Variants in CAMSAP2 observed in about 807,000 individuals in gnomAD.
CAMSAP2 encodes the protein calmodulin-regulated spectrin-associated protein 2.
In CAMSAP2, 26 loss-of-function variants were observed where a neutral mutation model predicts 146.1. That is an observed-to-expected ratio of 0.18 (90% CI 0.13 to 0.25). CAMSAP2 has a LOEUF of 0.25. CAMSAP2 is among the 10% of genes least tolerant of loss of function. The probability of loss-of-function intolerance (pLI) is 1.00; values close to 1 mark genes in which losing one functional copy is unlikely to be tolerated. For synonymous variants in CAMSAP2, 499 were observed against 596.6 expected, an observed-to-expected ratio of 0.84 and a Z score of 2.38; for missense variants, 1,381 against 1,759.3, an observed-to-expected ratio of 0.78 and a Z score of 3.85.
At chr1:200,811,752 C>T (rs1666337880) in intron 3 of CAMSAP2, among the ~76,000 whole-genome samples, 1 of 152,128 alleles carries the variant, frequency 6.6e-6, no homozygotes, top group Non-Finnish European at 1.5e-5. Context: ...GCTCAAAACT[C>T]TTCAGTGACT....
At chr1:200,846,444 G>A (rs1418099686) in intron 8 of CAMSAP2, among the ~76,000 whole-genome samples, 4 of 152,110 alleles carry the variant, frequency 2.6e-5, no homozygotes, top group African/African-American at 9.7e-5. Flanking sequence ...CATCTCAGCA[G>A]CTCATTTTTC....
chr1:200,854,502 G>A (rs77456920), intron 13 of CAMSAP2, among the ~76,000 whole-genome samples: 305 of 152,124 alleles, frequency 2.0e-3, no homozygotes, highest in African/African-American at 6.7e-3. Context: ...TAGATATTAT[G>A]AAATTTTTTT....
intron 1 of CAMSAP2, among the ~76,000 whole-genome samples, chr1:200,747,633 A>G (rs1004546087): frequency 2.0e-5 from 3 of 150,038 alleles, no homozygotes; most frequent in African/African-American, 7.3e-5. Flanking sequence ...TCAGGGCTGT[A>G]GCGTCATTTC....
Position 200,858,179 on chromosome 1 carries a change from T to G in CAMSAP2, c.*120T>G, listed in dbSNP as rs997272469. The G allele has an allele frequency of 2.3e-6, 2 of 856,138 alleles. No individual in the cohort carries two copies. The highest frequency in any genetic ancestry group is 3.4e-5 in the African/African-American group (2 of 58,350). 53.0% of individuals were successfully genotyped at this position (856,138 alleles called of 1,614,324 possible). A position where few individuals can be genotyped will look rare whatever the true frequency, so the allele number is the denominator to read the frequency against. ...TATTAATTAAAACTGGACATTAAGC[T>G]CTGTTGTCATGAACAACTGGAATGT... On this transcript the variant is annotated 3_prime_UTR_variant, in exon 17 of 17. Coordinates refer to ENST00000358823, the MANE Select transcript of CAMSAP2 (RefSeq NM_203459.4).
chr1:200,808,916 A>G (rs1166483534), intron 3 of CAMSAP2, among the ~76,000 whole-genome samples: 1 of 152,202 alleles, frequency 6.6e-6, no homozygotes, highest in Non-Finnish European at 1.5e-5. Context: ...TCATTTGGTA[A>G]CAGCTCAGAT....
intron 4 of CAMSAP2, among the ~76,000 whole-genome samples, chr1:200,816,307 A>G (rs1433660167): frequency 6.7e-6 from 1 of 148,876 alleles, no homozygotes; most frequent in African/African-American, 2.5e-5. Context: ...AAATATATAT[A>G]TAGGGCCAGG....
chr1:200,855,603 T>C (rs1487255091), intron 14 of CAMSAP2, among the ~76,000 whole-genome samples: 2 of 102,784 alleles, frequency 1.9e-5, no homozygotes, highest in African/African-American at 8.9e-5. Context: ...TTATTATTAA[T>C]TTTTTTTTTT....
intron 2 of CAMSAP2, among the ~76,000 whole-genome samples, chr1:200,806,765 GTATC>G (rs149381434): frequency 0.21 from 29,534 of 139,668 alleles, 3,119 homozygotes; most frequent in Non-Finnish European, 0.23. Flanking sequence ...GTGTGTGTGT[GTATC>G]TATCTATCTA....
intron 4 of CAMSAP2, among the ~76,000 whole-genome samples, chr1:200,817,239 C>CACACACACACGTGTGTGTGT (rs1666617631): frequency 1.4e-5 from 2 of 138,712 alleles, no homozygotes; most frequent in African/African-American, 5.2e-5. Flanking sequence ...TATATACACA[C>CACACACACACGTGTGTGTGT]ATACACACAT....
rs1667507487 is a variant in CAMSAP2, at chr1:200,848,068, T to C, written c.1299T>C (p.Phe433=). 1 of 1,558,624 alleles carries C rather than the reference T, an allele frequency of 6.4e-7. No homozygotes were observed. The highest frequency in any genetic ancestry group is 8.6e-7 in the Non-Finnish European group (1 of 1,156,140). ...ATGGCGTATCATTTGATATTTCTTT[T>C]GATAAAGAAGATAGTGTACAGAGAT... ...SVHGVSFDIS[F]DKEDSVQRST... The change falls in exon 11 of 17, where the codon TTT becomes TTC. Residue 433 remains phenylalanine, a synonymous_variant. Coordinates refer to ENST00000358823, the MANE Select transcript of CAMSAP2 (RefSeq NM_203459.4).
In CAMSAP2 at chr1:200,770,384, C is replaced by G. The variant is rs149160947; in HGVS notation, c.399+9286C>G. On this transcript the variant is annotated intron_variant, in intron 2 of 16. Coordinates refer to ENST00000358823, the MANE Select transcript of CAMSAP2 (RefSeq NM_203459.4). ...TGCTTATTCTGTTTACACCATGAGG[C>G]CTTCCCAAACCAAAACAAAATGTCC... Among the ~76,000 whole-genome samples the G allele has an allele frequency of 3.3e-5, 5 of 152,056 alleles. No individual in the cohort carries two copies. The East Asian group carries it at 7.7e-4, about 24-fold the overall frequency.
intron 4 of CAMSAP2, among the ~76,000 whole-genome samples, chr1:200,827,540 A>G (rs1443776270): frequency 1.3e-5 from 2 of 152,192 alleles, no homozygotes; most frequent in Non-Finnish European, 1.5e-5. Context: ...ACATTCCACA[A>G]AATTATTGAG....
intron 6 of CAMSAP2, among the ~76,000 whole-genome samples, chr1:200,836,162 C>G (rs1216712584): frequency 2.0e-5 from 3 of 151,754 alleles, no homozygotes; most frequent in Non-Finnish European, 4.4e-5. Flanking sequence ...CATAGGTAAA[C>G]TTGTGTCATG....
intron 2 of CAMSAP2, among the ~76,000 whole-genome samples, chr1:200,791,303 C>T (rs1002563392): frequency 3.7e-4 from 55 of 150,480 alleles, no homozygotes; most frequent in Non-Finnish European, 4.6e-4. Flanking sequence ...AGATTTCTTT[C>T]TTTTTTTTTC....
chr1:200,772,636 A>G (rs931004561), intron 2 of CAMSAP2, among the ~76,000 whole-genome samples: 4 of 152,140 alleles, frequency 2.6e-5, no homozygotes, highest in Non-Finnish European at 5.9e-5. Context: ...TAAATAAATT[A>G]ATTAAAAATA....
intron 2 of CAMSAP2, among the ~76,000 whole-genome samples, chr1:200,804,751 G>A (rs532424102): frequency 6.6e-6 from 1 of 152,340 alleles, no homozygotes; most frequent in South Asian, 2.1e-4. Flanking sequence ...AACTGGGATA[G>A]TTGGACAGTA....
chr1:200,762,338 G>A (rs1250770637), intron 2 of CAMSAP2, among the ~76,000 whole-genome samples: 1 of 152,118 alleles, frequency 6.6e-6, no homozygotes, highest in Non-Finnish European at 1.5e-5. Flanking sequence ...TATCCAGTAT[G>A]AGATTGTCAT....
intron 2 of CAMSAP2, among the ~76,000 whole-genome samples, chr1:200,772,632 A>C (rs554618703): frequency 6.6e-6 from 1 of 152,262 alleles, no homozygotes; most frequent in African/African-American, 2.4e-5. Context: ...AAAATAAATA[A>C]ATTAATTAAA....
chr1:200,808,003 A>G (rs940315579), intron 3 of CAMSAP2, among the ~76,000 whole-genome samples: 2 of 152,094 alleles, frequency 1.3e-5, no homozygotes, highest in Non-Finnish European at 2.9e-5. Context: ...TGGCCTCCCA[A>G]AGTGCTGCAA....
Sources: gnomAD v4.1 joint callset for allele counts (sites outside exome capture counted in the v4.1 genomes callset) on GRCh38, gnomAD v4.1.1 for gene constraint, MANE v1.5 for transcripts, NCBI Gene and HGNC (gene_info 2026-07-23, HGNC 2026-07-21) for gene names.